Variants in ATP2B2 observed in about 807,000 individuals in gnomAD.
ATP2B2 encodes the protein plasma membrane calcium-transporting ATPase 2.
A neutral mutation model predicts 120.0 loss-of-function variants in ATP2B2; 15 were observed. The ratio of observed to expected loss-of-function variants is 0.12; its 90% CI spans 0.08 to 0.19. The LOEUF (loss-of-function observed/expected upper bound fraction) is 0.19, where lower values mean the gene tolerates loss of function less well. Among genes scored for constraint, ATP2B2 ranks in the 10% least tolerant of loss-of-function variants. The pLI, the probability that ATP2B2 is intolerant of heterozygous loss-of-function variation, is 1.00. For missense variants in ATP2B2, 1,045 were observed against 1,719.8 expected (o/e 0.61, Z 6.94); for synonymous variants, 694 against 700.3 (o/e 0.99, Z 0.14).
chr3:10,436,762 A>T (rs1230324936), intron 2 of ATP2B2, among the ~76,000 whole-genome samples: 2 of 152,128 alleles, frequency 1.3e-5, no homozygotes, highest in Non-Finnish European at 2.9e-5. Context: ...GACGTGCCTT[A>T]GTGGAGCGAC....
At chr3:10,425,502 C>T (rs1247893267) in intron 2 of ATP2B2, among the ~76,000 whole-genome samples, 1 of 152,132 alleles carries the variant, frequency 6.6e-6, no homozygotes, top group Non-Finnish European at 1.5e-5. Flanking sequence ...CTGAGGGAGT[C>T]ACTTCACCTC....
rs75467331 is a variant in ATP2B2, at chr3:10,421,672, G to T, written c.200-10857C>A. 5.7e-3 allele frequency among the ~76,000 whole-genome samples: 862 copies of T among 152,200 alleles called. 10 individuals carry two copies. Among genetic ancestry groups the T allele is most frequent in the African/African-American group, 0.019 (795 of 41,498 alleles). On this transcript the variant is annotated intron_variant, in intron 2 of 22. Coordinates refer to ENST00000360273, the MANE Select transcript of ATP2B2 (RefSeq NM_001001331.4). ...CTCCCCATGTCCTCACAATCATCCA[G>T]TTCCTGGGCTCACAGTGGCCTCTCT... is the stretch of plus-strand genomic sequence containing the variant.
chr3:10,491,153 G>A (rs1261526111), intron 1 of ATP2B2, among the ~76,000 whole-genome samples: 1 of 152,042 alleles, frequency 6.6e-6, no homozygotes, highest in African/African-American at 2.4e-5. Context: ...CCACAGGGAA[G>A]CTCTGACTCC....
intron 1 of ATP2B2, among the ~76,000 whole-genome samples, chr3:10,686,425 C>T (rs1443913504): frequency 5.9e-5 from 9 of 152,190 alleles, no homozygotes; most frequent in Middle Eastern, 3.4e-3. Context: ...GAGGCCGAGG[C>T]GGGCGGATTG....
At chr3:10,382,228 G>C (rs1382161859) in intron 8 of ATP2B2, among the ~76,000 whole-genome samples, 1 of 133,574 alleles carries the variant, frequency 7.5e-6, no homozygotes, top group African/African-American at 3.1e-5. Context: ...TAGAGATGTG[G>C]TCTCACTATG....
At chr3:10,641,460 C>A (rs966043923) in intron 1 of ATP2B2, among the ~76,000 whole-genome samples, 6 of 152,170 alleles carry the variant, frequency 3.9e-5, no homozygotes, top group African/African-American at 1.4e-4. Flanking sequence ...CTAAATTTTC[C>A]AATTTTTAAA....
rs1408531329 is a variant in ATP2B2 at position 10,342,627 on chromosome 3, G to A, written c.2917+125C>T. 6 of 1,176,100 alleles carry A rather than the reference G, an allele frequency of 5.1e-6. No individual in the cohort carries two copies. Among genetic ancestry groups the A allele is most frequent in the Non-Finnish European group, 7.4e-6 (6 of 811,760 alleles). The allele number at this position is 1,176,100 out of a possible 1,614,324, so 72.9% of individuals were successfully genotyped here. ...TTGGGCAACTTACTTGACCTCCCTGGGCCTCAATTTCCCCATTAGCAAAAC... is the reference window on the plus strand; with the variant it reads ...TTGGGCAACTTACTTGACCTCCCTGAGCCTCAATTTCCCCATTAGCAAAAC... On this transcript the variant is annotated intron_variant, in intron 19 of 22. Coordinates refer to ENST00000360273, the MANE Select transcript of ATP2B2 (RefSeq NM_001001331.4). The surrounding 1 kb of genome is among the most constrained non-coding windows in gnomAD (Gnocchi z 4.4).
In ATP2B2 at chr3:10,461,566, T is replaced by C. The variant is rs192300391; in HGVS notation, c.-319-11704A>G. Among the ~76,000 whole-genome samples the C allele has an allele frequency of 2.5e-3, 387 of 152,280 alleles. 3 individuals carry two copies. Among genetic ancestry groups the C allele is most frequent in the African/African-American group, 9.0e-3 (372 of 41,550 alleles). ...AACAGGGCTTCTCAAAGTGGTTCCC[T>C]GAGGGCTACCTATGTTGGCATCACT... On this transcript the variant is annotated intron_variant, in intron 1 of 22. Coordinates refer to ENST00000360273, the MANE Select transcript of ATP2B2 (RefSeq NM_001001331.4).
intron 1 of ATP2B2, among the ~76,000 whole-genome samples, chr3:10,667,122 T>G (rs1297677713): frequency 6.6e-6 from 1 of 152,298 alleles, no homozygotes; most frequent in Non-Finnish European, 1.5e-5. Context: ...GTCTGGAGAA[T>G]GAAGGGACTG....
chr3:10,648,999 T>C (rs2125662288), intron 1 of ATP2B2, among the ~76,000 whole-genome samples: 1 of 152,364 alleles, frequency 6.6e-6, no homozygotes, highest in Non-Finnish European at 1.5e-5. Flanking sequence ...AACCCTTCAT[T>C]TGGCCTCCAG....
chr3:10,637,822 T>G (rs535308453), intron 1 of ATP2B2, among the ~76,000 whole-genome samples: 4 of 150,598 alleles, frequency 2.7e-5, no homozygotes, highest in Non-Finnish European at 5.9e-5. Flanking sequence ...ACAAGAAACA[T>G]GAAGAAAGCA....
chr3:10,471,777 T>C (rs994599162), intron 1 of ATP2B2, among the ~76,000 whole-genome samples: 1 of 152,150 alleles, frequency 6.6e-6, no homozygotes, highest in Non-Finnish European at 1.5e-5. Flanking sequence ...TTATGATTCA[T>C]TAATTTAAAA....
At chr3:10,538,595 C>A (rs2067367939) in intron 2 of ATP2B2, among the ~76,000 whole-genome samples, 1 of 152,162 alleles carries the variant, frequency 6.6e-6, no homozygotes, top group South Asian at 2.1e-4. Context: ...TAAATGTAAT[C>A]CAGCATATTA....
At chr3:10,669,560 C>T (rs1406750911) in intron 1 of ATP2B2, among the ~76,000 whole-genome samples, 1 of 152,180 alleles carries the variant, frequency 6.6e-6, no homozygotes, top group East Asian at 1.9e-4. Context: ...GAGCTGGGCC[C>T]CTCCCGTAGA....
chr3:10,469,384 G>T (rs1384811024), intron 1 of ATP2B2, among the ~76,000 whole-genome samples: 1 of 152,230 alleles, frequency 6.6e-6, no homozygotes, highest in African/African-American at 2.4e-5. Flanking sequence ...AGAACACAGC[G>T]GAGCTGGGAT....
intron 3 of ATP2B2, among the ~76,000 whole-genome samples, chr3:10,518,550 C>A (rs1201211619): frequency 2.0e-5 from 3 of 152,246 alleles, no homozygotes; most frequent in Non-Finnish European, 4.4e-5. Flanking sequence ...CAGCAAAACC[C>A]CTCCTTGGCC....
chr3:10,587,254 G>A (rs60169593), intron 2 of ATP2B2, among the ~76,000 whole-genome samples: 3,623 of 152,058 alleles, frequency 0.024, 107 homozygotes, highest in African/African-American at 0.057. Context: ...GCAGTGAGCC[G>A]TGATCATACC....
intron 1 of ATP2B2, among the ~76,000 whole-genome samples, chr3:10,700,066 A>G (rs2071794446): frequency 6.6e-6 from 1 of 152,196 alleles, no homozygotes; most frequent in Non-Finnish European, 1.5e-5. Flanking sequence ...AGTTCCAGCT[A>G]AAATCAACCT....
chr3:10,517,314 C>A (rs1179478803), intron 3 of ATP2B2, among the ~76,000 whole-genome samples: 2 of 152,212 alleles, frequency 1.3e-5, no homozygotes, highest in African/African-American at 4.8e-5. Flanking sequence ...CCCCTTCCCC[C>A]AGCCTGGGGA....
Sources: gnomAD v4.1 joint callset for allele counts (sites outside exome capture counted in the v4.1 genomes callset) on GRCh38, gnomAD v4.1.1 for gene constraint, Gnocchi (gnomAD v3.1) non-coding constraint, MANE v1.5 for transcripts, NCBI Gene and HGNC (gene_info 2026-07-23, HGNC 2026-07-21) for gene names.